The following PIGU variants were observed in gnomAD, a reference collection of about 807,000 sequenced individuals.
PIGU encodes the protein phosphatidylinositol glycan anchor biosynthesis class U, also known as GPI-anchor transamidase component PIGU.
A neutral mutation model predicts 49.9 loss-of-function variants in PIGU; 24 were observed. The ratio of observed to expected loss-of-function variants is 0.48; its 90% CI spans 0.35 to 0.68. The LOEUF (loss-of-function observed/expected upper bound fraction) is 0.68, where lower values mean the gene tolerates loss of function less well. Among genes scored for constraint, PIGU ranks in the 30% least tolerant of loss-of-function variants. The pLI, the probability that PIGU is intolerant of heterozygous loss-of-function variation, is 0.01. For missense variants in PIGU, 490 were observed against 532.6 expected (o/e 0.92, Z 0.79); for synonymous variants, 220 against 205.7 (o/e 1.07, Z -0.59).
intron 8 of PIGU, among the ~76,000 whole-genome samples, chr20:34,587,956 T>C (rs1983767431): frequency 6.6e-6 from 1 of 152,240 alleles, no homozygotes; most frequent in Non-Finnish European, 1.5e-5. Flanking sequence ...GCAATGAACA[T>C]GGGAGTGCAG....
chr20:34,567,866 T>C (rs554393746), intron 11 of PIGU, among the ~76,000 whole-genome samples: 15 of 150,824 alleles, frequency 9.9e-5, no homozygotes, highest in African/African-American at 3.7e-4. Flanking sequence ...CTACCTAAAA[T>C]CATAGAACCC....
At chr20:34,610,968 T>C (rs1166740504) in intron 7 of PIGU, among the ~76,000 whole-genome samples, 3 of 152,188 alleles carry the variant, frequency 2.0e-5, no homozygotes, top group Admixed American at 6.5e-5. Context: ...GGATTCCCTA[T>C]TTAATAAATG....
At chr20:34,611,437 G>A (rs1339477593) in intron 7 of PIGU, among the ~76,000 whole-genome samples, 1 of 151,992 alleles carries the variant, frequency 6.6e-6, no homozygotes, top group Non-Finnish European at 1.5e-5. Flanking sequence ...ATGAGGTCAG[G>A]AGATTGAGAC....
intron 1 of PIGU, among the ~76,000 whole-genome samples, chr20:34,663,555 T>C (rs1445506808): frequency 6.6e-6 from 1 of 152,102 alleles, no homozygotes; most frequent in Non-Finnish European, 1.5e-5. Flanking sequence ...ATTATGACTT[T>C]AAACTTTATA....
chr20:34,649,188 T>C (rs2146775286), intron 2 of PIGU, among the ~76,000 whole-genome samples: 1 of 152,056 alleles, frequency 6.6e-6, no homozygotes, highest in South Asian at 2.1e-4. Flanking sequence ...GAACTTATGT[T>C]CAAAATTACA....
At chr20:34,602,386 C>T (rs899917605) in intron 7 of PIGU, among the ~76,000 whole-genome samples, 4 of 151,772 alleles carry the variant, frequency 2.6e-5, no homozygotes, top group African/African-American at 7.3e-5. Context: ...GACTTGAGGT[C>T]AGGAGTTCAA....
At chr20:34,613,800 T>C (rs1984907926) in intron 7 of PIGU, among the ~76,000 whole-genome samples, 2 of 152,218 alleles carry the variant, frequency 1.3e-5, no homozygotes, top group African/African-American at 4.8e-5. Context: ...ACACATCTAC[T>C]GAACTGGCAA....
At chr20:34,614,671 T>C (rs1044246310) in intron 7 of PIGU, among the ~76,000 whole-genome samples, 2 of 149,424 alleles carry the variant, frequency 1.3e-5, no homozygotes, top group African/African-American at 4.9e-5. Context: ...TTAGTGACAA[T>C]ATAAATGACA....
intron 8 of PIGU, 130 bp downstream of exon 8, chr20:34,588,323 T>G (rs562097209): frequency 1.2e-6 from 1 of 830,146 alleles, no homozygotes; most frequent in Admixed American, 3.3e-5. Flanking sequence ...GTAATTCTAT[T>G]TTTAGTTGTT....
intron 6 of PIGU, among the ~76,000 whole-genome samples, chr20:34,627,330 T>C (rs2146752284): frequency 6.6e-6 from 1 of 152,282 alleles, no homozygotes; most frequent in African/African-American, 2.4e-5. Context: ...ATGACAAATA[T>C]GTGACCAATG....
chr20:34,621,137 C>T (rs1985205820), intron 6 of PIGU, among the ~76,000 whole-genome samples: 1 of 151,642 alleles, frequency 6.6e-6, no homozygotes, highest in African/African-American at 2.4e-5. Flanking sequence ...AAGGGCAACA[C>T]ATTTATCTTA....
chr20:34,600,222 C>A (rs994078000), intron 7 of PIGU, among the ~76,000 whole-genome samples: 1 of 152,104 alleles, frequency 6.6e-6, no homozygotes, highest in Non-Finnish European at 1.5e-5. Flanking sequence ...ACCTAGCCAA[C>A]ATGGCGAAAC....
At chr20:34,566,426 C>T (rs556564103) in intron 11 of PIGU, among the ~76,000 whole-genome samples, 128 of 152,300 alleles carry the variant, frequency 8.4e-4, no homozygotes, top group South Asian at 2.1e-3. Context: ...GCTCCAGGGC[C>T]GCCTCCCTCT....
intron 7 of PIGU, among the ~76,000 whole-genome samples, chr20:34,594,896 T>C (rs1401531784): frequency 2.0e-5 from 3 of 151,100 alleles, no homozygotes; most frequent in Non-Finnish European, 4.4e-5. Context: ...ATCAAGACCA[T>C]CCTGGCTAAC....
intron 7 of PIGU, among the ~76,000 whole-genome samples, chr20:34,601,384 T>A (rs755271872): frequency 2.6e-5 from 4 of 152,230 alleles, no homozygotes; most frequent in Non-Finnish European, 5.9e-5. Flanking sequence ...CACTTAATCT[T>A]GCAGGACTAT....
intron 7 of PIGU, 62 bp downstream of exon 7, chr20:34,615,980 C>G (rs1042859987): frequency 3.3e-6 from 5 of 1,533,376 alleles, no homozygotes; most frequent in Non-Finnish European, 4.4e-6. Flanking sequence ...TTTCCCCCAG[C>G]AGGGACCAGG....
chr20:34,589,555 G>A (rs2146713923), intron 7 of PIGU, among the ~76,000 whole-genome samples: 1 of 149,872 alleles, frequency 6.7e-6, no homozygotes, highest in East Asian at 2.0e-4. Context: ...GTTTCACCAT[G>A]TTGGCCAGGA....
chr20:34,579,730 T>C (rs1983383037), intron 10 of PIGU, among the ~76,000 whole-genome samples: 2 of 152,182 alleles, frequency 1.3e-5, no homozygotes, highest in Non-Finnish European at 2.9e-5. Context: ...AAAGCAACTA[T>C]TAGATCATTC....
intron 1 of PIGU, among the ~76,000 whole-genome samples, chr20:34,672,087 G>T (rs1987326031): frequency 6.6e-6 from 1 of 151,952 alleles, no homozygotes; most frequent in African/African-American, 2.4e-5. Context: ...TACAGGTATG[G>T]GCCAAACATG....
Sources: gnomAD v4.1 joint callset for allele counts (sites outside exome capture counted in the v4.1 genomes callset) on GRCh38, gnomAD v4.1.1 for gene constraint, MANE v1.5 for transcripts, NCBI Gene and HGNC (gene_info 2026-07-23, HGNC 2026-07-21) for gene names.